Variants in B4GALNT3 observed in about 807,000 individuals in gnomAD.
The protein encoded by B4GALNT3 is beta-1,4-N-acetyl-galactosaminyltransferase 3.
A neutral mutation model predicts 120.2 loss-of-function variants in B4GALNT3; 86 were observed. The observed-to-expected ratio is 0.72, with a 90% CI of 0.60 to 0.86. The LOEUF (loss-of-function observed/expected upper bound fraction) is 0.86. Among genes scored for constraint, B4GALNT3 ranks in the 40% least tolerant of loss-of-function variants. The pLI, the probability that B4GALNT3 is intolerant of heterozygous loss-of-function variation, is 0.00. For synonymous variants in B4GALNT3, 518 were observed against 510.4 expected (o/e 1.01, Z -0.20); for missense variants, 1,167 against 1,298.9 (o/e 0.90, Z 1.56).
intron 1 of B4GALNT3, among the ~76,000 whole-genome samples, chr12:475,897 G>A (rs1394761175): frequency 6.6e-6 from 1 of 152,190 alleles, no homozygotes; most frequent in African/African-American, 2.4e-5. Flanking sequence ...GAAGAGGCAG[G>A]CAGTTCCCTT....
chr12:487,014 C>G (rs1038750480), intron 1 of B4GALNT3, among the ~76,000 whole-genome samples: 5 of 151,972 alleles, frequency 3.3e-5, no homozygotes, highest in African/African-American at 1.2e-4. Context: ...TCAAAAGAAA[C>G]CCTAGAGATC....
In B4GALNT3 at chr12:558,560, GA is replaced by G. The variant is rs766537250; in HGVS notation, c.2661del (p.Val888SerfsTer20). 82 of 1,614,056 alleles carry G rather than the reference GA, an allele frequency of 5.1e-5. No individual in the cohort carries two copies. The highest frequency in any genetic ancestry group is 6.9e-5 in the Non-Finnish European group (81 of 1,180,024). On this transcript the variant is annotated frameshift_variant, in exon 18 of 20. Transcript: ENST00000266383. LOFTEE classifies it high-confidence loss of function. ...LCDLHIHFPA[G>X]VIDAIRKHCV... ...GACCTCCACATCCACTTCCCAGCTG[GA>G]GTCATCGATGCCATTCGGAAGCACT...
chr12:546,937 C>T (rs1592053071), intron 7 of B4GALNT3: 5 of 578,026 alleles, frequency 8.7e-6, no homozygotes, highest in East Asian at 5.8e-5. Context: ...TTGCAGGTCA[C>T]GCAGCTCTTT....
Position 552,083 on chromosome 12 carries a change from C to T in B4GALNT3, c.1128C>T (p.Tyr376=), listed in dbSNP as rs764873818. The stretch of plus-strand genomic sequence containing the variant: ...TCCAGGTTCATCTGTCTTTTGTTTA[C>T]CCCAATGACTATACCCGCCTGAGCC... ...GLRFVHLSFV[Y]PNDYTRLSHM... Residue 376 remains tyrosine (Y), a synonymous_variant, in exon 12 of 20, where the codon TAC becomes TAT. Coordinates refer to ENST00000266383, the MANE Select transcript of B4GALNT3 (RefSeq NM_173593.4). 2 of 1,611,234 alleles carry T rather than the reference C, an allele frequency of 1.2e-6. No homozygotes were observed. The highest frequency in any genetic ancestry group is 4.5e-5 in the East Asian group (2 of 44,846).
At chr12:467,976 A>C (rs1946098139) in intron 1 of B4GALNT3, among the ~76,000 whole-genome samples, 1 of 152,044 alleles carries the variant, frequency 6.6e-6, no homozygotes, top group African/African-American at 2.4e-5. Flanking sequence ...TTTTTTCTTC[A>C]CCTGGAGAAA....
chr12:496,159 G>A (rs998631406), intron 1 of B4GALNT3, among the ~76,000 whole-genome samples: 14 of 152,036 alleles, frequency 9.2e-5, no homozygotes, highest in African/African-American at 1.9e-4. Flanking sequence ...TGTGGAATTC[G>A]CGAACAAATG....
chr12:491,727 A>G (rs1350180818), intron 1 of B4GALNT3, among the ~76,000 whole-genome samples: 1 of 152,170 alleles, frequency 6.6e-6, no homozygotes, highest in Non-Finnish European at 1.5e-5. Context: ...TATACTTAAT[A>G]GTAAGAAACT....
intron 1 of B4GALNT3, among the ~76,000 whole-genome samples, chr12:514,712 T>A (rs1946635325): frequency 6.6e-6 from 1 of 152,016 alleles, no homozygotes; most frequent in Non-Finnish European, 1.5e-5. Flanking sequence ...GAGTTTAGAA[T>A]TGAATCAGAA....
chr12:520,381 A>G (rs760619636), intron 1 of B4GALNT3, among the ~76,000 whole-genome samples: 37 of 152,252 alleles, frequency 2.4e-4, no homozygotes, highest in Admixed American at 2.1e-3. Context: ...TCCAGGAGAG[A>G]TGAACTATTT....
At chr12:505,063 T>G (rs1226755194) in intron 1 of B4GALNT3, among the ~76,000 whole-genome samples, 1 of 151,890 alleles carries the variant, frequency 6.6e-6, no homozygotes, top group Non-Finnish European at 1.5e-5. Flanking sequence ...GCTAATGTTT[T>G]CTGTATTTTT....
chr12:548,880 G>A lies in B4GALNT3; in HGVS notation c.853+583G>A, dbSNP rs1947041317. 6.6e-6 allele frequency among the ~76,000 whole-genome samples: 1 copy of A among 152,082 alleles called. No individual in the cohort carries two copies. Among genetic ancestry groups the A allele is most frequent in the Non-Finnish European group, 1.5e-5 (1 of 68,020 alleles). On this transcript the variant is annotated intron_variant, in intron 9 of 19. Transcript: ENST00000266383. The surrounding 1 kb of genome is among the most constrained non-coding windows in gnomAD (Gnocchi z 4.9). ...ATTGGGTCACTGTGCTCCAGCCTGG[G>A]CAACAGAGCAAGACGCTGCCTCAAA...
intron 1 of B4GALNT3, among the ~76,000 whole-genome samples, chr12:511,395 G>A (rs1357168537): frequency 8.8e-4 from 47 of 53,566 alleles, no homozygotes; most frequent in Admixed American, 1.8e-3. Context: ...TCCACCTTCT[G>A]TCTTCCACCT....
chr12:522,379 G>C (rs114767441), intron 1 of B4GALNT3, among the ~76,000 whole-genome samples: 268 of 152,330 alleles, frequency 1.8e-3, no homozygotes, highest in African/African-American at 6.3e-3. Flanking sequence ...TGAACCTTGA[G>C]AACACGTGAA....
chr12:469,591 C>A (rs1169474701), intron 1 of B4GALNT3, among the ~76,000 whole-genome samples: 1 of 152,148 alleles, frequency 6.6e-6, no homozygotes, highest in East Asian at 1.9e-4. Context: ...GCAATGCCTG[C>A]ATCTTTCCAT....
At chr12:522,050 G>A (rs1482210511) in intron 1 of B4GALNT3, among the ~76,000 whole-genome samples, 1 of 151,774 alleles carries the variant, frequency 6.6e-6, no homozygotes, top group Non-Finnish European at 1.5e-5. Flanking sequence ...TCCACCCAAG[G>A]CTTCCCAGAC....
intron 1 of B4GALNT3, among the ~76,000 whole-genome samples, chr12:464,526 G>C (rs1201696827): frequency 1.3e-5 from 2 of 152,122 alleles, no homozygotes; most frequent in African/African-American, 4.8e-5. Flanking sequence ...CCAGATACTG[G>C]GGAGGCTGAG....
At chr12:527,477 G>A (rs1172836404) in intron 1 of B4GALNT3, among the ~76,000 whole-genome samples, 1 of 152,248 alleles carries the variant, frequency 6.6e-6, no homozygotes. Flanking sequence ...GGAAGCTGGG[G>A]GAAAGGACAG....
chr12:516,070 C>G (rs1281249723), intron 1 of B4GALNT3, among the ~76,000 whole-genome samples: 1 of 150,748 alleles, frequency 6.6e-6, no homozygotes, highest in East Asian at 2.0e-4. Flanking sequence ...GGCATGAACC[C>G]GGGAGGCAGA....
At chr12:513,103 CCTT>C (rs1381212063) in intron 1 of B4GALNT3, among the ~76,000 whole-genome samples, 28 of 146,238 alleles carry the variant, frequency 1.9e-4, no homozygotes, top group African/African-American at 6.9e-4. Context: ...CCGCCTTCCA[CCTT>C]CTGCCTTCCT....
Sources: allele counts gnomAD v4.1 joint callset (sites outside exome capture counted in the v4.1 genomes callset), GRCh38; gene constraint gnomAD v4.1.1; non-coding constraint Gnocchi (gnomAD v3.1); transcripts MANE v1.5; gene names NCBI Gene and HGNC (gene_info 2026-07-23, HGNC 2026-07-21).